ERLIN2: variants seen among roughly 807,000 people sequenced by gnomAD.
ERLIN2 encodes erlin-2.
Under a neutral mutation model 41.5 loss-of-function variants are expected in ERLIN2, and 22 were observed. That is an observed-to-expected ratio of 0.53 (90% CI 0.38 to 0.76). The LOEUF (loss-of-function observed/expected upper bound fraction) is 0.76, where lower values mean the gene tolerates loss of function less well. ERLIN2 is among the 30% of genes least tolerant of loss of function. The pLI is 0.00. For synonymous variants in ERLIN2, 149 were observed against 150.9 expected, an observed-to-expected ratio of 0.99 and a Z score of 0.09; for missense variants, 247 against 414.3, an observed-to-expected ratio of 0.60 and a Z score of 3.51.
At chr8:37,748,316 A>C (rs1260717311) in intron 6 of ERLIN2, among the ~76,000 whole-genome samples, 1 of 152,210 alleles carries the variant, frequency 6.6e-6, no homozygotes, top group Non-Finnish European at 1.5e-5. Context: ...TTGGTATTCT[A>C]CTTAAAATTA....
intron 6 of ERLIN2, 161 bp downstream of exon 6, chr8:37,744,857 A>G: frequency 2.5e-6 from 2 of 794,678 alleles, no homozygotes; most frequent in Non-Finnish European, 2.1e-6. Context: ...AAAGGAGTTC[A>G]TGGAGAATGC....
intron 9 of ERLIN2, among the ~76,000 whole-genome samples, chr8:37,750,786 C>T (rs1299128133): frequency 2.0e-5 from 3 of 152,016 alleles, no homozygotes; most frequent in South Asian, 2.1e-4. Flanking sequence ...TGCAGTGGCA[C>T]GATCTCAGCT....
At chr8:37,747,734 T>C in intron 6 of ERLIN2, 1 of 1,592,432 alleles carries the variant, frequency 6.3e-7, no homozygotes, top group Non-Finnish European at 8.6e-7. Context: ...GCACATTTCT[T>C]TCTGTACTGT....
intron 3 of ERLIN2, 39 bp downstream of exon 3, chr8:37,740,485 AC>A: frequency 6.7e-7 from 1 of 1,501,366 alleles, no homozygotes; most frequent in Non-Finnish European, 9.3e-7. Flanking sequence ...ACGACTGCAA[AC>A]TTGGGCTGTT....
intron 8 of ERLIN2, 97 bp downstream of exon 8, chr8:37,749,949 T>C (rs915860368): frequency 7.6e-5 from 83 of 1,097,014 alleles, no homozygotes; most frequent in Non-Finnish European, 7.6e-5. Flanking sequence ...GCTTCTCGGT[T>C]ATCCCCTTGC....
At chr8:37,752,571 T>C (rs933313574) in intron 10 of ERLIN2, among the ~76,000 whole-genome samples, 9 of 152,210 alleles carry the variant, frequency 5.9e-5, no homozygotes, top group African/African-American at 2.2e-4. Context: ...GCCAGAACCC[T>C]GGCTGGACTG....
At chr8:37,738,062 C>A in intron 2 of ERLIN2, 33 bp downstream of exon 2, 1 of 1,612,882 alleles carries the variant, frequency 6.2e-7, no homozygotes, top group South Asian at 1.1e-5. Context: ...CCGGCAACTT[C>A]CTGTTAAATA....
chr8:37,753,410 T>TTAGCACTTCACC lies in ERLIN2; in HGVS notation c.740-39_740-28dup, dbSNP rs1392617758. The TTAGCACTTCACC allele has an allele frequency of 3.9e-6, 6 of 1,556,854 alleles. No homozygotes were observed. In the Admixed American group the frequency reaches 6.7e-5, roughly 17 times the overall value. On this transcript the variant is annotated intron_variant, in intron 10 of 11. Coordinates refer to ENST00000519638, the MANE Select transcript of ERLIN2 (RefSeq NM_007175.8). Reference sequence around the variant, plus strand: ...TGCACTTCCTGCAAAGAACTCAGTTTTAGCACTTCACCAAGTTCACTGCAC... The same window carrying TTAGCACTTCACC: ...TGCACTTCCTGCAAAGAACTCAGTTTTAGCACTTCACCTAGCACTTCACCAAGTTCACTGCAC...
intron 10 of ERLIN2, 136 bp downstream of exon 10, chr8:37,751,851 A>G: frequency 5.5e-6 from 4 of 732,584 alleles, no homozygotes; most frequent in Non-Finnish European, 7.4e-6. Flanking sequence ...GCTTTTCTCC[A>G]TGTGGAGACT....
At chr8:37,753,875 G>C (rs756944689) in intron 11 of ERLIN2, 40 bp from the exon 12 acceptor site, 2 of 1,578,618 alleles carry the variant, frequency 1.3e-6, no homozygotes, top group Non-Finnish European at 1.7e-6. Context: ...CTCTAATATG[G>C]TTCAACATAA....
rs1193467652 is a variant in ERLIN2 at position 37,744,430 on chromosome 8, G to T, written c.298+14G>T. 1 of 1,613,572 alleles carries T rather than the reference G, an allele frequency of 6.2e-7. No homozygotes were observed. The highest frequency in any genetic ancestry group is 1.7e-5 in the Admixed American group (1 of 60,016). ...TCCCGAACGCAGGTACGTCTTAACAGTTTATTCCCACCACCAGCTCACTTT... is the reference window on the plus strand; with the variant it reads ...TCCCGAACGCAGGTACGTCTTAACATTTTATTCCCACCACCAGCTCACTTT... On this transcript the variant is annotated intron_variant, in intron 5 of 11. Transcript: ENST00000519638.
rs2129739145 is a variant in ERLIN2 at position 37,756,359 on chromosome 8, C to G, written c.*2244C>G. On this transcript the variant is annotated 3_prime_UTR_variant, in exon 12 of 12. Coordinates refer to ENST00000519638, the MANE Select transcript of ERLIN2 (RefSeq NM_007175.8). ...CTACTCTGAGCTCTTGTTGCCTAGA[C>G]CTCAGAAAACACCAATTCACCACAG... 1 of 152,478 alleles carries G rather than the reference C, an allele frequency of 6.6e-6. No homozygotes were observed. The highest frequency in any genetic ancestry group is 3.4e-3 in the Middle Eastern group (1 of 294). 9.4% of individuals were successfully genotyped at this position (152,478 alleles called of 1,614,324 possible). A position where few individuals can be genotyped will look rare whatever the true frequency, so the allele number is the denominator to read the frequency against.
In ERLIN2 at chr8:37,746,088, A is replaced by G; in HGVS notation, c.424+1392A>G. On this transcript the variant is annotated intron_variant, in intron 6 of 11. Coordinates refer to ENST00000519638, the MANE Select transcript of ERLIN2 (RefSeq NM_007175.8). ...TTGTATGGAGGAGCTGGGGAAATAT[A>G]TTTGCTTTGAAACTTTTTTATTTTT... The G allele has an allele frequency of 5.0e-6, 5 of 993,178 alleles. No homozygotes were observed. The South Asian group carries it at 2.2e-4, about 45-fold the overall frequency. 61.5% of individuals were successfully genotyped at this position (993,178 alleles called of 1,614,324 possible). A position where few individuals can be genotyped will look rare whatever the true frequency, so the allele number is the denominator to read the frequency against.
intron 6 of ERLIN2, chr8:37,746,671 C>T (rs528136246): frequency 2.0e-5 from 6 of 299,612 alleles, no homozygotes; most frequent in Non-Finnish European, 3.0e-5. Flanking sequence ...CTTATTCAGA[C>T]CCCATTTTCA....
chr8:37,749,987 T>G, intron 8 of ERLIN2, 135 bp downstream of exon 8: 1 of 828,162 alleles, frequency 1.2e-6, no homozygotes, highest in Non-Finnish European at 2.1e-6. Flanking sequence ...CCCATTGCAC[T>G]GTAAGATTGG....
chr8:37,752,493 A>G (rs925765089), intron 10 of ERLIN2, among the ~76,000 whole-genome samples: 1 of 152,230 alleles, frequency 6.6e-6, no homozygotes, highest in African/African-American at 2.4e-5. Flanking sequence ...TTAGCAAAGC[A>G]ACACGTTTTT....
At chr8:37,748,215 C>T (rs77030027) in intron 6 of ERLIN2, among the ~76,000 whole-genome samples, 5,267 of 152,264 alleles carry the variant, frequency 0.035, 318 homozygotes, top group African/African-American at 0.12. Flanking sequence ...GCTACTAGCC[C>T]AGGGCCACAG....
chr8:37,754,375 A>C lies in ERLIN2; in HGVS notation c.*260A>C. The C allele has an allele frequency of 2.1e-6, 1 of 470,576 alleles. No individual in the cohort carries two copies. The highest frequency in any genetic ancestry group is 3.9e-6 in the Non-Finnish European group (1 of 256,654). The allele number at this position is 470,576 out of a possible 1,614,324, so 29.2% of individuals were successfully genotyped here. The stretch of plus-strand genomic sequence containing the variant: ...CATGGGCTTGACCTTTGACCTCTAG[A>C]CACTAATTTTATCCTTTGAGGCTGG... On this transcript the variant is annotated 3_prime_UTR_variant, in exon 12 of 12. Transcript: ENST00000519638.
At chr8:37,753,035 A>G (rs1219598941) in intron 10 of ERLIN2, among the ~76,000 whole-genome samples, 2 of 152,196 alleles carry the variant, frequency 1.3e-5, no homozygotes, top group Non-Finnish European at 2.9e-5. Flanking sequence ...GCTATGTAGC[A>G]CAAGAGGGAG....
Sources: allele counts gnomAD v4.1 joint callset (sites outside exome capture counted in the v4.1 genomes callset), GRCh38; gene constraint gnomAD v4.1.1; transcripts MANE v1.5; gene names NCBI Gene and HGNC (gene_info 2026-07-23, HGNC 2026-07-21).